GALR1: variants seen among roughly 807,000 people sequenced by gnomAD.
The protein encoded by GALR1 is galanin receptor type 1.
GALR1 carries 11 observed loss-of-function variants against 17.9 expected under a neutral mutation model. The ratio of observed to expected loss-of-function variants is 0.62; its 90% CI spans 0.39 to 1.02. GALR1 has a LOEUF of 1.02. GALR1 is among the 50% of genes least tolerant of loss of function. The pLI is 0.01. For synonymous variants in GALR1, 206 were observed against 205.7 expected (o/e 1.00, Z -0.01); for missense variants, 441 against 456.9 (o/e 0.97, Z 0.32).
chr18:77,267,624 G>T (rs1219040964), intron 2 of GALR1, among the ~76,000 whole-genome samples: 1 of 152,202 alleles, frequency 6.6e-6, no homozygotes. Context: ...TGATTGGTTT[G>T]TATTTTATAG....
chr18:77,263,787 A>G (rs944906450), intron 2 of GALR1, among the ~76,000 whole-genome samples: 1 of 152,144 alleles, frequency 6.6e-6, no homozygotes, highest in Non-Finnish European at 1.5e-5. Flanking sequence ...CTCATGCGTT[A>G]TAGTCTGGTT....
Position 77,270,294 on chromosome 18 carries a change from T to C in GALR1, c.*1392T>C, listed in dbSNP as rs1248601109. ...TTGGGAGGTCCAGCTGTGTGGAATGTACTTGAGCTCAGGAGTTTGAGACCA... is the reference window on the plus strand; with the variant it reads ...TTGGGAGGTCCAGCTGTGTGGAATGCACTTGAGCTCAGGAGTTTGAGACCA... On this transcript the variant is annotated 3_prime_UTR_variant, in exon 3 of 3. Transcript: ENST00000299727. The C allele has an allele frequency of 6.6e-6, 1 of 152,196 alleles. No homozygotes were observed. The highest frequency in any genetic ancestry group is 1.5e-5 in the Non-Finnish European group (1 of 68,042). 9.4% of individuals were successfully genotyped at this position (152,196 alleles called of 1,614,324 possible).
intron 2 of GALR1, among the ~76,000 whole-genome samples, chr18:77,268,169 C>T (rs1599365163): frequency 6.6e-6 from 1 of 152,094 alleles, no homozygotes; most frequent in East Asian, 1.9e-4. Flanking sequence ...CTATTTGGAG[C>T]AAAGTCCAGC....
chr18:77,262,666 G>A (rs1018206796), intron 2 of GALR1, among the ~76,000 whole-genome samples: 1 of 152,154 alleles, frequency 6.6e-6, no homozygotes, highest in Admixed American at 6.6e-5. Flanking sequence ...CAAGAAAATA[G>A]TAATCCCCTG....
chr18:77,271,913 T>C lies in GALR1; in HGVS notation c.*3011T>C, dbSNP rs903077761. 1 of 152,212 alleles carries C rather than the reference T, an allele frequency of 6.6e-6. No individual in the cohort carries two copies. The highest frequency in any genetic ancestry group is 1.5e-5 in the Non-Finnish European group (1 of 68,034). 9.4% of individuals were successfully genotyped at this position (152,212 alleles called of 1,614,324 possible). A position where few individuals can be genotyped will look rare whatever the true frequency, so the allele number is the denominator to read the frequency against. On this transcript the variant is annotated 3_prime_UTR_variant, in exon 3 of 3. Coordinates refer to ENST00000299727, the MANE Select transcript of GALR1 (RefSeq NM_001480.4). ...TGGATGGAAACGTTTTCTTGTCCTA[T>C]ATCCTGGGGATAGGAAACAGATTCT...
chr18:77,259,030 G>T (rs1228106576), intron 2 of GALR1, among the ~76,000 whole-genome samples: 1 of 14,508 alleles, frequency 6.9e-5, no homozygotes, highest in Admixed American at 6.8e-4. Flanking sequence ...GGTGTTGGTG[G>T]TGGTCATGAT....
At chr18:77,260,134 G>A (rs1912797178) in intron 2 of GALR1, among the ~76,000 whole-genome samples, 1 of 152,110 alleles carries the variant, frequency 6.6e-6, no homozygotes, top group Non-Finnish European at 1.5e-5. Flanking sequence ...AGTCTGGGTG[G>A]CTCATAAACA....
chr18:77,263,917 A>G (rs893495078), intron 2 of GALR1, among the ~76,000 whole-genome samples: 14 of 152,034 alleles, frequency 9.2e-5, no homozygotes, highest in African/African-American at 3.4e-4. Context: ...CGGACAGATC[A>G]TGAGGTCAGG....
In GALR1 at chr18:77,275,810, A is replaced by G. The variant is rs1035104199; in HGVS notation, c.*6908A>G. On this transcript the variant is annotated 3_prime_UTR_variant, in exon 3 of 3. Transcript: ENST00000299727. ...CTAGAGAGAATTTCCTGGTATGTCA[A>G]TGTAGCTTCAGAAATAGGTCTCAGT... The G allele has an allele frequency of 4.6e-5, 7 of 152,310 alleles. No homozygotes were observed. Among genetic ancestry groups the G allele is most frequent in the East Asian group, 1.9e-4 (1 of 5,178 alleles). 9.4% of individuals were successfully genotyped at this position (152,310 alleles called of 1,614,324 possible).
intron 1 of GALR1, among the ~76,000 whole-genome samples, chr18:77,251,713 G>A (rs899172108): frequency 6.6e-6 from 1 of 152,158 alleles, no homozygotes; most frequent in South Asian, 2.1e-4. Flanking sequence ...AGGGTGACGG[G>A]TCCCCACAGC....
rs1305600091 is a variant in GALR1, at chr18:77,275,078, T to C, written c.*6176T>C. ...AGCAAGTTATTTTTATAACAGATCATGTGAGCAATTCCTCCATAGCATTGG... is the reference window on the plus strand; with the variant it reads ...AGCAAGTTATTTTTATAACAGATCACGTGAGCAATTCCTCCATAGCATTGG... On this transcript the variant is annotated 3_prime_UTR_variant, in exon 3 of 3. Transcript: ENST00000299727. 1 of 152,268 alleles carries C rather than the reference T, an allele frequency of 6.6e-6. No individual in the cohort carries two copies. The highest frequency in any genetic ancestry group is 1.5e-5 in the Non-Finnish European group (1 of 68,060). The allele number at this position is 152,268 out of a possible 1,614,324, so 9.4% of individuals were successfully genotyped here. A position where few individuals can be genotyped will look rare whatever the true frequency, so the allele number is the denominator to read the frequency against.
chr18:77,254,960 G>C (rs1912553285), intron 1 of GALR1, among the ~76,000 whole-genome samples: 2 of 152,288 alleles, frequency 1.3e-5, no homozygotes, highest in South Asian at 4.1e-4. Context: ...ATAGGGCCTG[G>C]GCAGCTGGTA....
Position 77,256,157 on chromosome 18 carries a change from G to T in GALR1, c.667-1G>T. ...TGATTTCAATAGTCTGTGTCTTTCA[G>T]GTCCTTAATCACTTGCATAAAAAGT... On this transcript the variant is annotated splice_acceptor_variant, in intron 1 of 2. Coordinates refer to ENST00000299727, the MANE Select transcript of GALR1 (RefSeq NM_001480.4). LOFTEE classifies it high-confidence loss of function. 1 of 1,590,590 alleles carries T rather than the reference G, an allele frequency of 6.3e-7. No individual in the cohort carries two copies. The highest frequency in any genetic ancestry group is 8.6e-7 in the Non-Finnish European group (1 of 1,159,064).
At chr18:77,255,508 T>C (rs1404477946) in intron 1 of GALR1, among the ~76,000 whole-genome samples, 1 of 152,164 alleles carries the variant, frequency 6.6e-6, no homozygotes, top group Non-Finnish European at 1.5e-5. Context: ...GGGTAGGATT[T>C]GAATAAAGAA....
intron 2 of GALR1, among the ~76,000 whole-genome samples, chr18:77,258,917 G>A (rs1912710810): frequency 7.0e-6 from 1 of 142,144 alleles, no homozygotes; most frequent in Non-Finnish European, 1.5e-5. Flanking sequence ...CGGTAGTGGT[G>A]GTGATGATGG....
chr18:77,268,545 T>G (rs756350612), intron 2 of GALR1, 40 bp from the exon 3 acceptor site: 29 of 1,015,826 alleles, frequency 2.9e-5, no homozygotes, highest in Admixed American at 1.6e-4. Context: ...CCTTACCGCC[T>G]CCTCCTCCTC....
intron 2 of GALR1, among the ~76,000 whole-genome samples, chr18:77,262,124 T>G (rs79182976): frequency 0.047 from 7,208 of 152,118 alleles, 246 homozygotes; most frequent in Admixed American, 0.093. Context: ...CACTGTTATC[T>G]GGCTGAGCTT....
intron 2 of GALR1, among the ~76,000 whole-genome samples, chr18:77,265,669 C>A (rs1453876167): frequency 6.6e-6 from 1 of 152,228 alleles, no homozygotes; most frequent in Non-Finnish European, 1.5e-5. Context: ...TTCCATACAT[C>A]CTCTGAAATC....
chr18:77,273,974 C>T lies in GALR1; in HGVS notation c.*5072C>T, dbSNP rs1044342365. 2.0e-5 allele frequency: 3 copies of T among 152,188 alleles called. No homozygotes were observed. Among genetic ancestry groups the T allele is most frequent in the African/African-American group, 7.2e-5 (3 of 41,430 alleles). The allele number at this position is 152,188 out of a possible 1,614,324, so 9.4% of individuals were successfully genotyped here. ...CTCCACTGTTTAAATTTTTGACTCT[C>T]AGGTAGTGGTGATCGTTATGGTAAC... On this transcript the variant is annotated 3_prime_UTR_variant, in exon 3 of 3. Transcript: ENST00000299727.
Sources: gnomAD v4.1 joint callset for allele counts (sites outside exome capture counted in the v4.1 genomes callset) on GRCh38, gnomAD v4.1.1 for gene constraint, MANE v1.5 for transcripts, NCBI Gene and HGNC (gene_info 2026-07-23, HGNC 2026-07-21) for gene names.